HGF: variants seen among roughly 807,000 people sequenced by gnomAD.
HGF encodes fibroblast-derived tumor cytotoxic factor.
A neutral mutation model predicts 111.6 loss-of-function variants in HGF; 39 were observed. That is an observed-to-expected ratio of 0.35 (90% CI 0.27 to 0.46). HGF has a LOEUF of 0.46. Ranked by LOEUF, HGF falls within the 20% of genes least tolerant of loss-of-function variation. HGF has a pLI of 1.00. For missense variants in HGF, 735 were observed against 910.5 expected, an observed-to-expected ratio of 0.81 and a Z score of 2.48; for synonymous variants, 285 against 294.8, an observed-to-expected ratio of 0.97 and a Z score of 0.34.
chr7:81,712,285 T>C (rs1032429041), intron 11 of HGF, among the ~76,000 whole-genome samples: 2 of 152,064 alleles, frequency 1.3e-5, no homozygotes, highest in African/African-American at 4.8e-5. Flanking sequence ...AATCATTTAA[T>C]TTTTTTTCTG....
At chr7:81,754,349 G>C (rs1269428872) in intron 4 of HGF, among the ~76,000 whole-genome samples, 1 of 151,850 alleles carries the variant, frequency 6.6e-6, no homozygotes, top group African/African-American at 2.4e-5. Context: ...GTTTGAGAGA[G>C]GATTTTTGTC....
intron 7 of HGF, 74 bp downstream of exon 7, chr7:81,743,279 G>T: frequency 1.2e-6 from 1 of 865,496 alleles, no homozygotes; most frequent in Non-Finnish European, 2.0e-6. Flanking sequence ...TTGTTAACCT[G>T]TCTCACTAAT....
chr7:81,719,941 C>T (rs763760247), intron 10 of HGF, among the ~76,000 whole-genome samples: 15 of 152,116 alleles, frequency 9.9e-5, no homozygotes, highest in Non-Finnish European at 2.2e-4. Context: ...TGTAAAGCAG[C>T]CATGTTATAG....
At chr7:81,710,635 A>T (rs1409998184) in intron 12 of HGF, among the ~76,000 whole-genome samples, 1 of 152,184 alleles carries the variant, frequency 6.6e-6, no homozygotes, top group African/African-American at 2.4e-5. Context: ...TTCAGTGAAA[A>T]AAACAAAACC....
chr7:81,736,637 A>T (rs1787834118), intron 7 of HGF: 1 of 440,086 alleles, frequency 2.3e-6, no homozygotes, highest in Admixed American at 2.6e-5. Context: ...CTAGGTAAGG[A>T]AGAAAGTAAA....
intron 13 of HGF, among the ~76,000 whole-genome samples, chr7:81,708,242 G>A (rs1789478557): frequency 6.6e-6 from 1 of 152,060 alleles, no homozygotes; most frequent in African/African-American, 2.4e-5. Context: ...TTCAGTATGA[G>A]TTTTGGAAGA....
intron 7 of HGF, among the ~76,000 whole-genome samples, chr7:81,740,404 C>A (rs1272685624): frequency 1.3e-5 from 2 of 152,120 alleles, no homozygotes; most frequent in Admixed American, 1.3e-4. Context: ...AGATCCCCAC[C>A]AACTTGTGTA....
chr7:81,710,232 A>G lies in HGF; in HGVS notation c.1456T>C (p.Ser486Pro), dbSNP rs774389172. ...CGCAATTGTTTCGTTTTGGCACAAG[A>G]TATTACGGGATCTGAAACAGGACCA... is the stretch of plus-strand genomic sequence containing the variant. ...TIVNLDHPVI[S>P]CAKTKQLRVV... The change falls in exon 13 of 18, where the codon TCT becomes CCT. Residue 486 changes from serine (S) to proline (P), a missense_variant. Physicochemically the swap from Ser to Pro is moderately conservative, Grantham distance 74 (BLOSUM62 -1). Around this residue, in one of 3 missense-constraint regions of HGF, gnomAD observed 553 missense variants for 685.6 expected, o/e 0.81. Transcript: ENST00000222390. 3.7e-6 allele frequency: 6 copies of G among 1,611,356 alleles called. No individual in the cohort carries two copies. In the South Asian group the frequency reaches 5.5e-5, roughly 15 times the overall value.
chr7:81,747,236 G>A (rs532597598), intron 5 of HGF, among the ~76,000 whole-genome samples: 30 of 152,310 alleles, frequency 2.0e-4, no homozygotes, highest in African/African-American at 6.7e-4. Flanking sequence ...CTACTCGGGA[G>A]GCTGATGCAG....
chr7:81,750,374 C>A (rs1204163352), intron 5 of HGF, among the ~76,000 whole-genome samples: 2 of 152,244 alleles, frequency 1.3e-5, no homozygotes, highest in East Asian at 3.9e-4. Flanking sequence ...CTAATTATTT[C>A]CAGAAAGAAC....
chr7:81,705,792 G>A (rs746681774), intron 15 of HGF, 39 bp from the exon 16 acceptor site: 1 of 1,181,572 alleles, frequency 8.5e-7, no homozygotes, highest in Non-Finnish European at 1.3e-6. Flanking sequence ...CTCTCAACTG[G>A]ATTCAACACA....
chr7:81,734,209 T>G (rs928724949), intron 7 of HGF, among the ~76,000 whole-genome samples: 7 of 152,184 alleles, frequency 4.6e-5, no homozygotes, highest in African/African-American at 1.7e-4. Flanking sequence ...TGAAAATATC[T>G]GGAACTCTTC....
At chr7:81,748,428 A>G (rs370148118) in intron 5 of HGF, among the ~76,000 whole-genome samples, 1 of 152,214 alleles carries the variant, frequency 6.6e-6, no homozygotes, top group African/African-American at 2.4e-5. Flanking sequence ...CAAGTTAGTC[A>G]TAAGAATTAT....
rs367553438 is a variant in HGF at position 81,757,197 on chromosome 7, G to A, written c.474C>T (p.His158=). 124 of 1,526,966 alleles carry A rather than the reference G, an allele frequency of 8.1e-5. No individual in the cohort carries two copies. Among genetic ancestry groups the A allele is most frequent in the Middle Eastern group, 3.4e-4 (2 of 5,914 alleles). The allele number at this position is 1,526,966 out of a possible 1,614,324, so 94.6% of individuals were successfully genotyped here. A position where few individuals can be genotyped will look rare whatever the true frequency, so the allele number is the denominator to read the frequency against. ...KCQPWSSMIP[H]EHSFLPSSYR... is the part of the protein sequence containing the mutation. ...CTTCATACTGTTCTTACCTGTGTTC[G>A]TGTGGTATCATGGAACTCCAGGGCT... Residue 158 remains histidine (H), a synonymous_variant, in exon 4 of 18, where the codon CAC becomes CAT. Transcript: ENST00000222390.
chr7:81,729,504 C>A, intron 8 of HGF, 101 bp downstream of exon 8: 1 of 863,988 alleles, frequency 1.2e-6, no homozygotes, highest in Non-Finnish European at 2.0e-6. Context: ...ACTGGGCACG[C>A]TGAAGTTTGA....
At chr7:81,726,927 C>A (rs1235866981) in intron 8 of HGF, among the ~76,000 whole-genome samples, 1 of 151,634 alleles carries the variant, frequency 6.6e-6, no homozygotes, top group Admixed American at 6.6e-5. Context: ...TTTTTAATAA[C>A]TATATTAATA....
At chr7:81,716,891 A>G (rs1482830546) in intron 11 of HGF, among the ~76,000 whole-genome samples, 1 of 152,118 alleles carries the variant, frequency 6.6e-6, no homozygotes, top group Non-Finnish European at 1.5e-5. Context: ...GAAGCTGAAC[A>G]GGTAGTATTG....
chr7:81,760,521 T>C (rs563006847), intron 2 of HGF, among the ~76,000 whole-genome samples: 2 of 152,226 alleles, frequency 1.3e-5, no homozygotes, highest in Non-Finnish European at 2.9e-5. Flanking sequence ...ACGGTATTTT[T>C]CATTGTTTTT....
intron 9 of HGF, among the ~76,000 whole-genome samples, chr7:81,724,015 T>C (rs1034049602): frequency 1.3e-5 from 2 of 152,076 alleles, no homozygotes; most frequent in Non-Finnish European, 2.9e-5. Context: ...ATGTTTACCC[T>C]CCAGAATCCA....
Sources: gnomAD v4.1 joint callset for allele counts (sites outside exome capture counted in the v4.1 genomes callset) on GRCh38, gnomAD v4.1.1 for gene constraint, gnomAD v4.1.1 regional missense constraint, MANE v1.5 for transcripts, NCBI Gene and HGNC (gene_info 2026-07-23, HGNC 2026-07-21) for gene names.